AREL1: variants seen among roughly 807,000 people sequenced by gnomAD.
The protein encoded by AREL1 is apoptosis-resistant E3 ubiquitin protein ligase 1.
A neutral mutation model predicts 99.0 loss-of-function variants in AREL1; 62 were observed. That is an observed-to-expected ratio of 0.63 (90% CI 0.51 to 0.77). AREL1 has a LOEUF of 0.77. Ranked by LOEUF, AREL1 falls within the 30% of genes least tolerant of loss-of-function variation. AREL1 has a pLI of 0.00. For missense variants in AREL1, 879 were observed against 1,027.6 expected, an observed-to-expected ratio of 0.86 and a Z score of 1.98; for synonymous variants, 380 against 376.5, an observed-to-expected ratio of 1.01 and a Z score of -0.11.
chr14:74,699,433 G>A (rs562893159), intron 1 of AREL1, among the ~76,000 whole-genome samples: 11 of 152,088 alleles, frequency 7.2e-5, no homozygotes, highest in South Asian at 2.1e-4. Context: ...GCACACAAGC[G>A]AGAGAGCCCT....
Position 74,664,928 on chromosome 14 carries a change from G to A in AREL1, c.2104-3C>T, listed in dbSNP as rs1319890396. The A allele has an allele frequency of 6.2e-7, 1 of 1,611,912 alleles. No individual in the cohort carries two copies. Among genetic ancestry groups the A allele is most frequent in the African/African-American group, 1.3e-5 (1 of 74,886 alleles). On this transcript the variant is annotated splice_polypyrimidine_tract_variant and splice_region_variant and intron_variant, in intron 17 of 19. Transcript: ENST00000356357. ...TCTCCAGTCCCACACATCAGCAGCT[G>A]GAAAAAGATGGTAAGGTGTTACTAT...
At chr14:74,712,889 G>C in intron 1 of AREL1, 44 bp downstream of exon 1, 1 of 584,424 alleles carries the variant, frequency 1.7e-6, no homozygotes, top group Non-Finnish European at 3.2e-6. Flanking sequence ...CTCTGGTAAA[G>C]GCAGGTCTTC....
chr14:74,700,145 A>G (rs1348849501), intron 1 of AREL1, among the ~76,000 whole-genome samples: 1 of 152,266 alleles, frequency 6.6e-6, no homozygotes, highest in Admixed American at 6.5e-5. Context: ...TCTCTGAAGG[A>G]TGATGATAAC....
intron 1 of AREL1, chr14:74,701,862 T>A (rs1458473976): frequency 6.6e-6 from 1 of 152,124 alleles, no homozygotes. Flanking sequence ...ATGGGAGAAA[T>A]TGGCCAAAAC....
intron 1 of AREL1, among the ~76,000 whole-genome samples, chr14:74,700,987 A>C (rs1166293118): frequency 6.6e-6 from 1 of 152,212 alleles, no homozygotes; most frequent in East Asian, 1.9e-4. Context: ...CTACTGGTCC[A>C]ATGGAGTAGC....
intron 8 of AREL1, among the ~76,000 whole-genome samples, chr14:74,675,495 CA>C (rs1351003050): frequency 1.3e-5 from 2 of 152,144 alleles, no homozygotes; most frequent in African/African-American, 4.8e-5. Flanking sequence ...AACAAAAGAT[CA>C]AATTGTTTTG....
At chr14:74,710,329 A>G (rs530062284) in intron 1 of AREL1, among the ~76,000 whole-genome samples, 6 of 152,370 alleles carry the variant, frequency 3.9e-5, no homozygotes, top group African/African-American at 1.4e-4. Context: ...AACACTCTCA[A>G]TAGAGGTTAC....
chr14:74,679,789 T>C (rs535001868), intron 5 of AREL1, among the ~76,000 whole-genome samples: 6 of 151,034 alleles, frequency 4.0e-5, no homozygotes, highest in South Asian at 4.2e-4. Flanking sequence ...GATTGTGCCA[T>C]TGCACTCTAG....
intron 15 of AREL1, 126 bp downstream of exon 15, chr14:74,669,523 T>A (rs1413165529): frequency 8.3e-7 from 1 of 1,199,546 alleles, no homozygotes; most frequent in Non-Finnish European, 1.2e-6. Context: ...GTCACCCACA[T>A]TTTGGGTGTT....
intron 2 of AREL1, among the ~76,000 whole-genome samples, chr14:74,687,541 A>G (rs2089775105): frequency 6.6e-6 from 1 of 152,230 alleles, no homozygotes; most frequent in Non-Finnish European, 1.5e-5. Flanking sequence ...AGCATAAGAT[A>G]GAGGATAAGG....
At chr14:74,700,772 TC>T (rs1368962345) in intron 1 of AREL1, among the ~76,000 whole-genome samples, 17 of 151,102 alleles carry the variant, frequency 1.1e-4, no homozygotes, top group Admixed American at 9.2e-4. Flanking sequence ...AGAGCGAGAG[TC>T]CCTCTCAAAA....
At chr14:74,703,865 T>G (rs910502956) in intron 1 of AREL1, among the ~76,000 whole-genome samples, 1 of 152,208 alleles carries the variant, frequency 6.6e-6, no homozygotes, top group African/African-American at 2.4e-5. Context: ...AGAATGGGAT[T>G]GCTGGGTCAT....
At chr14:74,693,773 G>A (rs1369224280) in intron 1 of AREL1, among the ~76,000 whole-genome samples, 1 of 152,158 alleles carries the variant, frequency 6.6e-6, no homozygotes, top group Non-Finnish European at 1.5e-5. Flanking sequence ...GGAAACCAAG[G>A]AAGAAAGCAC....
At chr14:74,702,075 G>A (rs1405387351) in intron 1 of AREL1, among the ~76,000 whole-genome samples, 1 of 152,204 alleles carries the variant, frequency 6.6e-6, no homozygotes, top group Non-Finnish European at 1.5e-5. Context: ...GGCTAGCACT[G>A]AGTGCCTGAG....
intron 5 of AREL1, among the ~76,000 whole-genome samples, chr14:74,682,462 T>C (rs1020010486): frequency 6.6e-6 from 1 of 152,104 alleles, no homozygotes; most frequent in African/African-American, 2.4e-5. Flanking sequence ...TACCCAAAAG[T>C]AGAAACAATT....
chr14:74,683,642 A>C (rs2089684614), intron 4 of AREL1, 109 bp from the exon 5 acceptor site: 6 of 906,584 alleles, frequency 6.6e-6, no homozygotes, highest in Non-Finnish European at 1.1e-5. Context: ...ACACCAGTAA[A>C]TCCCAGTACC....
chr14:74,689,785 G>A (rs1379978277), intron 2 of AREL1, among the ~76,000 whole-genome samples: 3 of 151,218 alleles, frequency 2.0e-5, no homozygotes, highest in Non-Finnish European at 3.0e-5. Flanking sequence ...TAGTAGAGAC[G>A]GGGTTTCTCC....
In AREL1 at chr14:74,663,641, G is replaced by C; in HGVS notation, c.*79C>G. The C allele has an allele frequency of 7.4e-7, 1 of 1,356,162 alleles. No individual in the cohort carries two copies. Among genetic ancestry groups the C allele is most frequent in the Non-Finnish European group, 1.1e-6 (1 of 947,634 alleles). 84.0% of individuals were successfully genotyped at this position (1,356,162 alleles called of 1,614,324 possible). On this transcript the variant is annotated 3_prime_UTR_variant, in exon 20 of 20. Coordinates refer to ENST00000356357, the MANE Select transcript of AREL1 (RefSeq NM_001039479.2). ...TCTGGCTGATGGTTATGTGTGTTAG[G>C]ATCAGTGGTTATGATGTCTGTAACT...
intron 5 of AREL1, among the ~76,000 whole-genome samples, chr14:74,678,018 T>C (rs186979954): frequency 1.3e-5 from 2 of 152,310 alleles, no homozygotes; most frequent in East Asian, 3.9e-4. Context: ...GATGTCAATT[T>C]TCCCCAAATT....
Sources: allele counts gnomAD v4.1 joint callset (sites outside exome capture counted in the v4.1 genomes callset), GRCh38; gene constraint gnomAD v4.1.1; transcripts MANE v1.5; gene names NCBI Gene and HGNC (gene_info 2026-07-23, HGNC 2026-07-21).